The following NCOR2 variants were observed in gnomAD, a reference collection of about 807,000 sequenced individuals.
NCOR2 encodes the protein CTG repeat protein 26.
A neutral mutation model predicts 262.9 loss-of-function variants in NCOR2; 81 were observed. That is an observed-to-expected ratio of 0.31 (90% CI 0.26 to 0.37). The LOEUF is 0.37. Ranked by LOEUF, NCOR2 falls within the 10% of genes least tolerant of loss-of-function variation. The pLI, the probability that NCOR2 is intolerant of heterozygous loss-of-function variation, is 1.00. For missense variants in NCOR2, 3,385 were observed against 3,621.4 expected, an observed-to-expected ratio of 0.93 and a Z score of 1.68; for synonymous variants, 1,659 against 1,559.3, an observed-to-expected ratio of 1.06 and a Z score of -1.51.
intron 13 of NCOR2, among the ~76,000 whole-genome samples, chr12:124,408,477 T>C (rs545087327): frequency 1.1e-3 from 173 of 152,176 alleles, no homozygotes; most frequent in Non-Finnish European, 1.6e-3. Context: ...CCTGGCAAGG[T>C]AACTCACACT....
At chr12:124,547,337 C>T (rs1477582921) in intron 1 of NCOR2, among the ~76,000 whole-genome samples, 2 of 152,088 alleles carry the variant, frequency 1.3e-5, no homozygotes, top group African/African-American at 2.4e-5. Flanking sequence ...TCTCACTGTG[C>T]CTAATTTGTA....
chr12:124,498,602 G>A (rs1325115568), upstream of NCOR2, among the ~76,000 whole-genome samples: 1 of 152,148 alleles, frequency 6.6e-6, no homozygotes, highest in Admixed American at 6.5e-5. Context: ...TTAGGGAAAC[G>A]GTTTGGCGGT....
At chr12:124,563,763 C>G (rs1253181496) in intron 1 of NCOR2, among the ~76,000 whole-genome samples, 4 of 152,262 alleles carry the variant, frequency 2.6e-5, no homozygotes, top group Non-Finnish European at 5.9e-5. Context: ...TCTCCCCAAA[C>G]CCTGGGGAGA....
chr12:124,509,279 C>CAA (rs933465548), intron 1 of NCOR2, among the ~76,000 whole-genome samples: 6 of 136,944 alleles, frequency 4.4e-5, no homozygotes, highest in African/African-American at 1.8e-4. Context: ...GCTGAGGCAA[C>CAA]AAAACTCATT....
chr12:124,325,413 C>A lies in NCOR2; in HGVS notation c.7534G>T (p.Asp2512Tyr). ...CGCCCTGTTCTGAGTCACTCGCTGT[C>A]GGAGAGTGTCTCGTACTGCGAGCAG... The change falls in exon 47 of 47, where the codon GAC becomes TAC. Residue 2512 changes from aspartate (D) to tyrosine (Y), a missense_variant. By Grantham distance (160) the Asp-to-Tyr change is radical (BLOSUM62 -3). Transcript: ENST00000405201. 1 of 796,996 alleles carries A rather than the reference C, an allele frequency of 1.3e-6. No homozygotes were observed. Among genetic ancestry groups the A allele is most frequent in the Non-Finnish European group, 1.6e-6 (1 of 618,846 alleles). The allele number at this position is 796,996 out of a possible 1,614,324, so 49.4% of individuals were successfully genotyped here.
chr12:124,467,252 A>C (rs1205964429), intron 4 of NCOR2, among the ~76,000 whole-genome samples: 4 of 11,760 alleles, frequency 3.4e-4, no homozygotes, highest in African/African-American at 6.5e-4. Flanking sequence ...CATCCCCATC[A>C]CCCCCATTAT....
chr12:124,430,789 T>A lies in NCOR2; in HGVS notation c.883-2A>T. 1 of 1,607,360 alleles carries A rather than the reference T, an allele frequency of 6.2e-7. No individual in the cohort carries two copies. Among genetic ancestry groups the A allele is most frequent in the Non-Finnish European group, 8.5e-7 (1 of 1,175,902 alleles). The stretch of plus-strand genomic sequence containing the variant: ...ATAGCGCTGGCAGAACTTCTGCTCC[T>A]GGGAGAGCGCAGGGGGCACTGCGGA... On this transcript the variant is annotated splice_acceptor_variant, in intron 8 of 46. Coordinates refer to ENST00000405201, the Ensembl canonical transcript of NCOR2. LOFTEE classifies it high-confidence loss of function.
chr12:124,456,489 A>AGACATCATC (rs2045864013), intron 6 of NCOR2, among the ~76,000 whole-genome samples: 1 of 152,208 alleles, frequency 6.6e-6, no homozygotes, highest in South Asian at 2.1e-4. Context: ...CACTAGTGAC[A>AGACATCATC]GCCATCATCG....
intron 8 of NCOR2, among the ~76,000 whole-genome samples, chr12:124,433,137 G>A (rs887653383): frequency 6.6e-6 from 1 of 152,238 alleles, no homozygotes; most frequent in African/African-American, 2.4e-5. Flanking sequence ...CCACGAGGTG[G>A]CCAGGCTGGT....
chr12:124,418,883 C>T (rs2043055625), intron 13 of NCOR2, among the ~76,000 whole-genome samples: 2 of 152,170 alleles, frequency 1.3e-5, no homozygotes, highest in Non-Finnish European at 2.9e-5. Context: ...CAGAATCCAC[C>T]CCCAGTTTGC....
intron 9 of NCOR2, 123 bp downstream of exon 11, chr12:124,430,491 TG>T: frequency 8.2e-7 from 1 of 1,215,346 alleles, no homozygotes; most frequent in Non-Finnish European, 1.1e-6. Flanking sequence ...GGTAGGGCCC[TG>T]GCCACTGGCC....
intron 3 of NCOR2, among the ~76,000 whole-genome samples, chr12:124,480,054 C>G (rs2047362579): frequency 6.6e-6 from 1 of 152,224 alleles, no homozygotes; most frequent in Admixed American, 6.5e-5. Flanking sequence ...TGAATGCCTC[C>G]TGCGTGCCAG....
intron 13 of NCOR2, among the ~76,000 whole-genome samples, chr12:124,418,968 A>C (rs1702338): frequency 0.88 from 133,901 of 152,000 alleles, 60,078 homozygotes; most frequent in Non-Finnish European, 0.97. Context: ...GCCACTGAGG[A>C]CCCCAGGAAG....
chr12:124,437,912 G>A lies in NCOR2; in HGVS notation c.882+18C>T. The A allele has an allele frequency of 6.2e-7, 1 of 1,607,506 alleles. No individual in the cohort carries two copies. Among genetic ancestry groups the A allele is most frequent in the Non-Finnish European group, 8.5e-7 (1 of 1,176,352 alleles). ...CAGATCTCAAGGAAAGCTGATGGGG[G>A]CCACGGTGTGGACTTACCCATTGTT... On this transcript the variant is annotated intron_variant, in intron 8 of 46. Transcript: ENST00000405201.
At chr12:124,338,382 C>A (rs1453954812) in intron 37 of NCOR2, among the ~76,000 whole-genome samples, 1 of 151,904 alleles carries the variant, frequency 6.6e-6, no homozygotes, top group African/African-American at 2.4e-5. Context: ...GTTGCACGTG[C>A]CTGTAACTGC....
At position 124,369,944 on chromosome 12, in the gene NCOR2, G is replaced by A. The variant is rs368895939; in HGVS notation, c.2807+2078C>T. Among the ~76,000 whole-genome samples, 10 of 152,134 alleles carry A rather than the reference G, an allele frequency of 6.6e-5. No individual in the cohort carries two copies. The East Asian group carries it at 7.7e-4, about 12-fold the overall frequency. ...AGCTGATCCCCCGGCTCCCCAGTCCGGGGCCAGCCACATGGACCCAAAATA... is the reference window on the plus strand; with the variant it reads ...AGCTGATCCCCCGGCTCCCCAGTCCAGGGCCAGCCACATGGACCCAAAATA... On this transcript the variant is annotated intron_variant, in intron 20 of 46. Coordinates refer to ENST00000405201, the Ensembl canonical transcript of NCOR2.
exon 46 of NCOR2, chr12:124,326,207 G>A: frequency 6.5e-7 from 1 of 1,535,400 alleles, no homozygotes; most frequent in South Asian, 1.2e-5. Flanking sequence ...ACGAGGGCCT[G>A]TCCTCCCACA....
chr12:124,510,164 G>A (rs539213130), intron 1 of NCOR2, among the ~76,000 whole-genome samples: 1 of 152,314 alleles, frequency 6.6e-6, no homozygotes, highest in East Asian at 1.9e-4. Flanking sequence ...GGGCAGCCAA[G>A]GCCTCAATCT....
intron 13 of NCOR2, among the ~76,000 whole-genome samples, chr12:124,403,748 C>T (rs996831807): frequency 1.3e-5 from 2 of 152,194 alleles, no homozygotes; most frequent in Non-Finnish European, 2.9e-5. Flanking sequence ...CTGCCAGGAA[C>T]AGGTGCCTGA....
Sources: allele counts gnomAD v4.1 joint callset (sites outside exome capture counted in the v4.1 genomes callset), GRCh38; gene constraint gnomAD v4.1.1; transcripts MANE v1.5; gene names NCBI Gene and HGNC (gene_info 2026-07-23, HGNC 2026-07-21).